Variants in LRP2 observed in about 807,000 individuals in gnomAD.
The protein encoded by LRP2 is LDL receptor related protein 2.
Under a neutral mutation model 531.0 loss-of-function variants are expected in LRP2, and 172 were observed. The ratio of observed to expected loss-of-function variants is 0.32; its 90% confidence interval spans 0.29 to 0.37. LRP2 has a LOEUF of 0.37. Among genes scored for constraint, LRP2 ranks in the 10% least tolerant of loss-of-function variants. The pLI is 1.00. For synonymous variants in LRP2, 1,992 were observed against 2,027.6 expected, an observed-to-expected ratio of 0.98 and a Z score of 0.47; for missense variants, 5,167 against 5,868.3, an observed-to-expected ratio of 0.88 and a Z score of 3.90.
chr2:169,274,647 A>G (rs1683505298), intron 14 of LRP2, among the ~76,000 whole-genome samples: 1 of 152,100 alleles, frequency 6.6e-6, no homozygotes, highest in South Asian at 2.1e-4. Flanking sequence ...TAGACATGTC[A>G]TTTTCTTCTA....
At chr2:169,218,721 G>C (rs1450842664) in intron 34 of LRP2, among the ~76,000 whole-genome samples, 1 of 152,122 alleles carries the variant, frequency 6.6e-6, no homozygotes, top group African/African-American at 2.4e-5. Flanking sequence ...AGTGTGAGCA[G>C]AAGTGGCGTG....
At position 169,257,058 on chromosome 2, in the gene LRP2, A is replaced by G. The variant is rs1043640617; in HGVS notation, c.2639+66T>C. 6.3e-6 allele frequency: 10 copies of G among 1,595,832 alleles called. No individual in the cohort carries two copies. The Admixed American group carries it at 6.7e-5, about 11-fold the overall frequency. Reference sequence around the variant, plus strand: ...TTTCCTTACACCATCATATCACCCAACCTGCCTCATTATGTGTTCTGCAGT... The same window carrying G: ...TTTCCTTACACCATCATATCACCCAGCCTGCCTCATTATGTGTTCTGCAGT... On this transcript the variant is annotated intron_variant, in intron 18 of 78. Transcript: ENST00000649046.
Position 169,142,685 on chromosome 2 carries a change from T to C in LRP2, c.13097A>G (p.Glu4366Gly). The change falls in exon 71 of 79, where the codon GAG becomes GGG. Residue 4366 changes from glutamate (E) to glycine (G), a missense_variant. Transcript: ENST00000649046. ...GSSFIEGSTT[E>G]CDAAIELPIN... ...GGCAGTGCTCCTACCTGCATCACAC[T>C]CAGTGGTGCTCCCCTCTATAAAGCT... 2 of 1,613,948 alleles carry C rather than the reference T, an allele frequency of 1.2e-6. No individual in the cohort carries two copies. Among genetic ancestry groups the C allele is most frequent in the Non-Finnish European group, 1.7e-6 (2 of 1,179,886 alleles).
intron 50 of LRP2, 112 bp from the exon 51 acceptor site, chr2:169,182,431 G>A (rs1370377484): frequency 6.9e-6 from 11 of 1,588,120 alleles, no homozygotes; most frequent in Middle Eastern, 1.9e-4. Flanking sequence ...GTTGTTAGAA[G>A]TCACCTTTCT....
intron 44 of LRP2, among the ~76,000 whole-genome samples, chr2:169,200,024 G>A (rs1376292521): frequency 1.3e-5 from 2 of 152,200 alleles, no homozygotes; most frequent in East Asian, 3.8e-4. Context: ...GCCAAGGTGG[G>A]CGGATCATGA....
At chr2:169,194,002 A>G in intron 46 of LRP2, 110 bp from the exon 47 acceptor site, 1 of 1,145,160 alleles carries the variant, frequency 8.7e-7, no homozygotes, top group Non-Finnish European at 1.3e-6. Flanking sequence ...ACAGAGCATT[A>G]TTTAATTATA....
chr2:169,219,107 G>A (rs1434357653), intron 34 of LRP2, among the ~76,000 whole-genome samples: 5 of 152,028 alleles, frequency 3.3e-5, no homozygotes, highest in South Asian at 4.2e-4. Context: ...GTAGAATTTC[G>A]AACCTAAGAC....
intron 63 of LRP2, among the ~76,000 whole-genome samples, chr2:169,157,863 G>C (rs1686391452): frequency 6.6e-6 from 1 of 150,856 alleles, no homozygotes; most frequent in Admixed American, 6.6e-5. Context: ...CAAATAGATA[G>C]ATCAATAGAT....
At chr2:169,301,266 G>A (rs700549) in intron 4 of LRP2, among the ~76,000 whole-genome samples, 151,130 of 152,240 alleles carry the variant, frequency 0.99, 75,026 homozygotes, top group Middle Eastern at 1. Flanking sequence ...TGAAAGTCAC[G>A]TCAATATATT....
chr2:169,238,144 C>A lies in LRP2; in HGVS notation c.4453G>T (p.Ala1485Ser), dbSNP rs766809777. 2 of 1,614,174 alleles carry A rather than the reference C, an allele frequency of 1.2e-6. No homozygotes were observed. The highest frequency in any genetic ancestry group is 2.2e-5 in the South Asian group (2 of 91,084). The change falls in exon 27 of 79, where the codon GCA becomes TCA. Residue 1485 changes from alanine to serine, a missense_variant. Physicochemically the swap from Ala to Ser is moderately conservative, Grantham distance 99. Around this residue, in one of 6 missense-constraint regions of LRP2, gnomAD observed 2,811 missense variants for 3,058.0 expected, o/e 0.92. Coordinates refer to ENST00000649046, the MANE Select transcript of LRP2 (RefSeq NM_004525.3). ...GCACTCCAGGTTTTACCCTGAGTTG[C>A]ATCAGACCAAAAGATACGACCACTA... The part of the protein sequence containing the change: ...SISGRIFWSD[A>S]TQGKTWSAFQ...
chr2:169,140,354 A>G lies in LRP2; in HGVS notation c.13199+101T>C. On this transcript the variant is annotated intron_variant, in intron 72 of 78. Transcript: ENST00000649046. ...CTGGTTAAAATGTAAGAATTAGTGA[A>G]CTGGTGAGGTTCCTGTATTTGTTTT... 3 of 876,928 alleles carry G rather than the reference A, an allele frequency of 3.4e-6. No homozygotes were observed. The South Asian group carries it at 4.2e-5, about 12-fold the overall frequency. 54.3% of individuals were successfully genotyped at this position (876,928 alleles called of 1,614,324 possible). A position where few individuals can be genotyped will look rare whatever the true frequency, so the allele number is the denominator to read the frequency against.
At chr2:169,200,300 G>C (rs1026377395) in intron 44 of LRP2, among the ~76,000 whole-genome samples, 16 of 152,046 alleles carry the variant, frequency 1.1e-4, no homozygotes, top group Admixed American at 7.9e-4. Flanking sequence ...TCCTAGCTCT[G>C]ACCATTGAAA....
intron 16 of LRP2, among the ~76,000 whole-genome samples, chr2:169,269,059 C>G (rs1683319801): frequency 6.6e-6 from 1 of 152,048 alleles, no homozygotes; most frequent in Non-Finnish European, 1.5e-5. Context: ...ATGTGAAGGA[C>G]CTCTTCAAGG....
intron 35 of LRP2, among the ~76,000 whole-genome samples, chr2:169,214,958 A>G (rs1337329137): frequency 2.0e-5 from 3 of 152,150 alleles, no homozygotes; most frequent in Non-Finnish European, 4.4e-5. Context: ...AGGAGAGTGA[A>G]GGAGAAATAA....
intron 61 of LRP2, 66 bp downstream of exon 61, chr2:169,168,473 A>C: frequency 6.6e-7 from 1 of 1,506,100 alleles, no homozygotes; most frequent in Non-Finnish European, 9.2e-7. Flanking sequence ...CACATGCTAC[A>C]CGTAAGAAAC....
intron 63 of LRP2, among the ~76,000 whole-genome samples, chr2:169,159,576 TC>T (rs943511351): frequency 1.2e-4 from 19 of 152,214 alleles, no homozygotes; most frequent in African/African-American, 2.4e-4. Flanking sequence ...TCTATTTTTT[TC>T]ATGAGCCATT....
At position 169,202,977 on chromosome 2, in the gene LRP2, CAGA is replaced by C. The variant is rs1688252086; in HGVS notation, c.8006-21_8006-19del. 1 of 1,610,872 alleles carries C rather than the reference CAGA, an allele frequency of 6.2e-7. No individual in the cohort carries two copies. The highest frequency in any genetic ancestry group is 1.1e-5 in the South Asian group (1 of 91,012). Reference sequence around the variant, plus strand: ...ATTTGGACCTGAAGAAAGATAATCCCAGAAGAAGTAAAAGATGGATGCAGCCAC... The same window carrying C: ...ATTTGGACCTGAAGAAAGATAATCCCAGAAGTAAAAGATGGATGCAGCCAC... On this transcript the variant is annotated intron_variant, in intron 42 of 78. Transcript: ENST00000649046.
chr2:169,229,911 A>G (rs985021002), intron 31 of LRP2, among the ~76,000 whole-genome samples: 1 of 152,216 alleles, frequency 6.6e-6, no homozygotes, highest in Non-Finnish European at 1.5e-5. Flanking sequence ...GTTTCCACCT[A>G]TAAATGTTAA....
chr2:169,271,759 T>A, intron 15 of LRP2: 1 of 846,764 alleles, frequency 1.2e-6, no homozygotes, highest in Non-Finnish European at 1.4e-6. Flanking sequence ...AACTTCTGCA[T>A]AGAGATCTAC....
Sources: allele counts gnomAD v4.1 joint callset (sites outside exome capture counted in the v4.1 genomes callset), GRCh38; gene constraint gnomAD v4.1.1; regional missense constraint gnomAD v4.1.1; transcripts MANE v1.5; gene names NCBI Gene and HGNC (gene_info 2026-07-23, HGNC 2026-07-21).